PTPRZ1: variants seen among roughly 807,000 people sequenced by gnomAD.
The protein encoded by PTPRZ1 is protein tyrosine phosphatase receptor type Z1, also known as receptor-type tyrosine-protein phosphatase zeta.
PTPRZ1 carries 82 observed loss-of-function variants against 214.1 expected under a neutral mutation model. The ratio of observed to expected loss-of-function variants is 0.38; its 90% CI spans 0.32 to 0.46. The LOEUF is 0.46. PTPRZ1 is among the 20% of genes least tolerant of loss of function. The probability of loss-of-function intolerance (pLI) is 1.00; values close to 1 mark genes in which losing one functional copy is unlikely to be tolerated. For missense variants in PTPRZ1, 2,603 were observed against 2,748.7 expected (o/e 0.95, Z 1.19); for synonymous variants, 945 against 987.9 (o/e 0.96, Z 0.81).
intron 13 of PTPRZ1, among the ~76,000 whole-genome samples, chr7:122,024,337 A>G (rs1286161888): frequency 6.6e-6 from 1 of 152,106 alleles, no homozygotes; most frequent in Non-Finnish European, 1.5e-5. Flanking sequence ...CACACTATCA[A>G]AAGCAATATA....
At chr7:121,909,420 G>A (rs56265902) in intron 1 of PTPRZ1, among the ~76,000 whole-genome samples, 25,838 of 152,018 alleles carry the variant, frequency 0.17, 2,473 homozygotes, top group East Asian at 0.29. Context: ...GGAGGAAAGT[G>A]GAAATTCTAT....
rs10528167 is a variant in PTPRZ1 at position 121,905,650 on chromosome 7, T to TACACACACACACACACACACACACACAC, written c.59-22479_59-22478insCACACACACACACACACACACACACACA. ...CGGCCGAATTCTGGGTTCTATTCTT[T>TACACACACACACACACACACACACACAC]ACACACACACACACACACACACACA... On this transcript the variant is annotated intron_variant, in intron 1 of 29. Transcript: ENST00000393386. 5.4e-4 allele frequency among the ~76,000 whole-genome samples: 79 copies of TACACACACACACACACACACACACACAC among 145,352 alleles called. 1 individual carries two copies. Among genetic ancestry groups the TACACACACACACACACACACACACACAC allele is most frequent in the South Asian group, 1.1e-3 (5 of 4,384 alleles).
chr7:121,925,205 G>C (rs1795718800), intron 1 of PTPRZ1, among the ~76,000 whole-genome samples: 1 of 152,120 alleles, frequency 6.6e-6, no homozygotes, highest in Non-Finnish European at 1.5e-5. Flanking sequence ...TTTCTAGACT[G>C]TTAAGTCTCA....
chr7:122,004,510 A>G (rs538577628), intron 10 of PTPRZ1, 104 bp from the exon 11 acceptor site: 1 of 657,298 alleles, frequency 1.5e-6, no homozygotes, highest in East Asian at 3.2e-5. Flanking sequence ...GCTGACATTA[A>G]CTTTTTTATT....
At chr7:121,968,634 C>CT (rs543980301) in intron 3 of PTPRZ1, among the ~76,000 whole-genome samples, 3,719 of 129,666 alleles carry the variant, frequency 0.029, 80 homozygotes, top group South Asian at 0.076. Context: ...TTGAGCCTAT[C>CT]TTTTTTTTTT....
In PTPRZ1 at chr7:122,051,856, T is replaced by C; in HGVS notation, c.6179-10T>C. On this transcript the variant is annotated splice_polypyrimidine_tract_variant and intron_variant, in intron 24 of 29. Coordinates refer to ENST00000393386, the MANE Select transcript of PTPRZ1 (RefSeq NM_002851.3). ...TTGTTTTGTTTTACAATGAATGTTC[T>C]GTGTTCCAGTGGAAAGATCAAGGGT... 2 of 1,611,596 alleles carry C rather than the reference T, an allele frequency of 1.2e-6. No homozygotes were observed. The highest frequency in any genetic ancestry group is 1.7e-6 in the Non-Finnish European group (2 of 1,178,444).
rs35947407 is a variant in PTPRZ1, at chr7:122,013,320, G to GTGA, written c.4290_4292dup (p.Asp1431dup). ...GAAGATGGTGACACTGATGATGATG[G>GTGA]TGATGATGATGATGATGACAGAGGT... On this transcript the variant is annotated inframe_insertion, in exon 12 of 30. Coordinates refer to ENST00000393386, the MANE Select transcript of PTPRZ1 (RefSeq NM_002851.3). The GTGA allele has an allele frequency of 2.5e-5, 40 of 1,609,600 alleles. No individual in the cohort carries two copies. Among genetic ancestry groups the GTGA allele is most frequent in the East Asian group, 6.7e-5 (3 of 44,796 alleles).
chr7:121,873,688 G>A (rs1040621762), intron 1 of PTPRZ1, 131 bp downstream of exon 1: 28 of 1,150,936 alleles, frequency 2.4e-5, no homozygotes, highest in Middle Eastern at 2.4e-4. Flanking sequence ...AGCCAACTGG[G>A]CTCCCACGGA....
At chr7:121,891,451 C>CTTTTTTTTTTTTTTTTTTTTTTTT (rs58135453) in intron 1 of PTPRZ1, among the ~76,000 whole-genome samples, 24 of 35,754 alleles carry the variant, frequency 6.7e-4, no homozygotes, top group East Asian at 2.0e-3. Context: ...AAAACAACCT[C>CTTTTTTTTTTTTTTTTTTTTTTTT]TTTTTTTTTT....
chr7:121,876,315 GC>G (rs1410499631), intron 1 of PTPRZ1, among the ~76,000 whole-genome samples: 1 of 152,160 alleles, frequency 6.6e-6, no homozygotes, highest in African/African-American at 2.4e-5. Flanking sequence ...TATTTTAAGA[GC>G]TTTTAAGGAA....
At chr7:121,951,837 A>G (rs1796549311) in intron 2 of PTPRZ1, among the ~76,000 whole-genome samples, 1 of 152,238 alleles carries the variant, frequency 6.6e-6, no homozygotes, top group South Asian at 2.1e-4. Flanking sequence ...GAACCTCCTC[A>G]TCCAAAAAGA....
chr7:122,046,419 A>G (rs979213127), intron 23 of PTPRZ1, among the ~76,000 whole-genome samples: 4 of 152,146 alleles, frequency 2.6e-5, no homozygotes, highest in Non-Finnish European at 4.4e-5. Flanking sequence ...AAAAAAATAA[A>G]AAAGAAAGAA....
At chr7:121,882,214 G>C (rs1009989644) in intron 1 of PTPRZ1, among the ~76,000 whole-genome samples, 1 of 152,164 alleles carries the variant, frequency 6.6e-6, no homozygotes, top group Non-Finnish European at 1.5e-5. Flanking sequence ...TATTCCTCCA[G>C]AGAGACTATT....
rs551316610 is a variant in PTPRZ1, at chr7:122,019,351, T to C, written c.4988+83T>C. 1.2e-5 allele frequency: 16 copies of C among 1,362,018 alleles called. No homozygotes were observed. The African/African-American group carries it at 2.1e-4, about 18-fold the overall frequency. The allele number at this position is 1,362,018 out of a possible 1,614,324, so 84.4% of individuals were successfully genotyped here. ...TTTCATCTGAAAGGTCTTCAAAGCA[T>C]ATTCAAAATGTATTTTACCTGAGAG... On this transcript the variant is annotated intron_variant, in intron 13 of 29. Coordinates refer to ENST00000393386, the MANE Select transcript of PTPRZ1 (RefSeq NM_002851.3).
intron 6 of PTPRZ1, among the ~76,000 whole-genome samples, chr7:121,978,001 C>T (rs1420949679): frequency 1.3e-5 from 2 of 152,114 alleles, no homozygotes; most frequent in Non-Finnish European, 2.9e-5. Context: ...ACTATGGGAC[C>T]TTTGAGACTT....
chr7:121,877,568 A>G (rs533932085), intron 1 of PTPRZ1, among the ~76,000 whole-genome samples: 5 of 152,294 alleles, frequency 3.3e-5, no homozygotes, highest in African/African-American at 1.2e-4. Flanking sequence ...CAGCCATGCT[A>G]CTTTAACTAC....
intron 11 of PTPRZ1, among the ~76,000 whole-genome samples, chr7:122,009,057 A>G (rs1410259068): frequency 1.3e-5 from 2 of 152,132 alleles, no homozygotes; most frequent in Non-Finnish European, 1.5e-5. Context: ...GACTACTTGT[A>G]AGGAAATTTT....
At chr7:121,887,080 C>T (rs1030451763) in intron 1 of PTPRZ1, among the ~76,000 whole-genome samples, 6 of 152,114 alleles carry the variant, frequency 3.9e-5, no homozygotes, top group African/African-American at 1.4e-4. Flanking sequence ...ACATCATTGT[C>T]CCCTTCCACA....
intron 1 of PTPRZ1, among the ~76,000 whole-genome samples, chr7:121,924,270 A>AT (rs1439927170): frequency 6.6e-6 from 1 of 152,156 alleles, no homozygotes; most frequent in Non-Finnish European, 1.5e-5. Flanking sequence ...ACTTTGATAG[A>AT]TTCTTTTTTA....
Sources: gnomAD v4.1 joint callset for allele counts (sites outside exome capture counted in the v4.1 genomes callset) on GRCh38, gnomAD v4.1.1 for gene constraint, MANE v1.5 for transcripts, NCBI Gene and HGNC (gene_info 2026-07-23, HGNC 2026-07-21) for gene names.